The following GMCL1 variants were observed in gnomAD, a reference collection of about 807,000 sequenced individuals.
GMCL1 encodes the protein germ cell-less 1, spermatogenesis associated.
GMCL1 carries 54 observed loss-of-function variants against 75.5 expected under a neutral mutation model. The ratio of observed to expected loss-of-function variants is 0.71; its 90% CI spans 0.57 to 0.90. GMCL1 has a LOEUF of 0.90. Ranked by LOEUF, GMCL1 falls within the 40% of genes least tolerant of loss-of-function variation. The pLI, the probability that GMCL1 is intolerant of heterozygous loss-of-function variation, is 0.00. For synonymous variants in GMCL1, 210 were observed against 209.6 expected (o/e 1.00, Z -0.02); for missense variants, 537 against 622.7 (o/e 0.86, Z 1.47).
In GMCL1 at chr2:69,862,084, C is replaced by T. The variant is rs551650424; in HGVS notation, c.1142+737C>T. ...CCCCAAAAACATATGACTCCCCCCA[C>T]AAAACATTAATCCTCTTTCTTCATC... On this transcript the variant is annotated intron_variant, in intron 10 of 13. Coordinates refer to ENST00000282570, the MANE Select transcript of GMCL1 (RefSeq NM_178439.5). 5.3e-5 allele frequency among the ~76,000 whole-genome samples: 8 copies of T among 152,298 alleles called. No homozygotes were observed. In the South Asian group the frequency reaches 1.7e-3, roughly 32 times the overall value.
rs540868975 is a variant in GMCL1 at position 69,860,061 on chromosome 2, G to A, written c.1073-1217G>A. ...TGTTGCCCAGGTTTTGAGTGCATTG[G>A]CATGTCCAGGGCTCGCTGCAGCCTT... is the stretch of plus-strand genomic sequence containing the variant. On this transcript the variant is annotated intron_variant, in intron 9 of 13. Coordinates refer to ENST00000282570, the MANE Select transcript of GMCL1 (RefSeq NM_178439.5). Among the ~76,000 whole-genome samples, 970 of 152,176 alleles carry A rather than the reference G, an allele frequency of 6.4e-3. 4 individuals are homozygous for A. Among genetic ancestry groups the A allele is most frequent in the Non-Finnish European group, 0.01 (697 of 68,002 alleles).
chr2:69,866,134 A>G (rs1330808335), intron 11 of GMCL1, among the ~76,000 whole-genome samples: 1 of 151,992 alleles, frequency 6.6e-6, no homozygotes, highest in African/African-American at 2.4e-5. Flanking sequence ...CTGTAGTCCT[A>G]GCTACTCGGA....
intron 2 of GMCL1, among the ~76,000 whole-genome samples, chr2:69,839,103 A>T (rs1327380521): frequency 6.6e-6 from 1 of 150,524 alleles, no homozygotes; most frequent in Non-Finnish European, 1.5e-5. Context: ...CTGACTTGGG[A>T]CTGGTTTGGT....
Position 69,830,096 on chromosome 2 carries a change from G to C in GMCL1, c.204G>C (p.Thr68=). 6.3e-7 allele frequency: 1 copy of C among 1,578,556 alleles called. No individual in the cohort carries two copies. The highest frequency in any genetic ancestry group is 8.6e-7 in the Non-Finnish European group (1 of 1,161,716). The change falls in exon 1 of 14, where the codon ACG becomes ACC. Residue 68 remains threonine, a synonymous_variant. Coordinates refer to ENST00000282570, the MANE Select transcript of GMCL1 (RefSeq NM_178439.5). ...SFCYCHPDSE[T]DEDEEEGDEQ... The stretch of plus-strand genomic sequence containing the variant: ...GCTACTGTCACCCTGACTCGGAGAC[G>C]GACGAGGATGAGGAGGAGGGGGACG...
intron 13 of GMCL1, among the ~76,000 whole-genome samples, chr2:69,872,356 A>C (rs1676005202): frequency 6.6e-6 from 1 of 152,238 alleles, no homozygotes; most frequent in African/African-American, 2.4e-5. Context: ...GAGAAGTTTC[A>C]AAGTGTCATG....
intron 3 of GMCL1, among the ~76,000 whole-genome samples, chr2:69,840,739 T>G (rs977576764): frequency 6.6e-6 from 1 of 152,214 alleles, no homozygotes; most frequent in Non-Finnish European, 1.5e-5. Context: ...TAAACAGAAA[T>G]TTATAACCTT....
chr2:69,841,203 A>G (rs1311278703), intron 4 of GMCL1, among the ~76,000 whole-genome samples, 164 bp downstream of exon 4: 1 of 152,230 alleles, frequency 6.6e-6, no homozygotes, highest in Non-Finnish European at 1.5e-5. Flanking sequence ...GCCTAACCAA[A>G]AGCAATTTAT....
In GMCL1 at chr2:69,880,314, T is replaced by G. The variant is rs1284493048; in HGVS notation, c.*1310T>G. 6.6e-6 allele frequency: 1 copy of G among 152,138 alleles called. No homozygotes were observed. The highest frequency in any genetic ancestry group is 1.5e-5 in the Non-Finnish European group (1 of 68,026). 9.4% of individuals were successfully genotyped at this position (152,138 alleles called of 1,614,324 possible). Reference sequence around the variant, plus strand: ...ATCCCCCTTAATTGAAACCAAAATTTTTTCTTTCTAGTTAGGTTTTTTTCC... The same window carrying G: ...ATCCCCCTTAATTGAAACCAAAATTGTTTCTTTCTAGTTAGGTTTTTTTCC... On this transcript the variant is annotated 3_prime_UTR_variant, in exon 14 of 14. Transcript: ENST00000282570.
intron 4 of GMCL1, among the ~76,000 whole-genome samples, chr2:69,841,287 A>G (rs1012554505): frequency 1.3e-5 from 2 of 151,870 alleles, no homozygotes; most frequent in African/African-American, 4.8e-5. Context: ...TAGTATGACT[A>G]TAATGTGGAA....
rs951614081 is a variant in GMCL1, at chr2:69,850,335, T to A, written c.934+593T>A. Among the ~76,000 whole-genome samples the A allele has an allele frequency of 2.7e-5, 4 of 150,806 alleles. No individual in the cohort carries two copies. In the East Asian group the frequency reaches 7.9e-4, roughly 30 times the overall value. ...AGGAGGGCATGCAATATAAAAAAAA[T>A]ACATGTGTATACTAAGTTAAAATGT... On this transcript the variant is annotated intron_variant, in intron 8 of 13. Transcript: ENST00000282570.
intron 11 of GMCL1, among the ~76,000 whole-genome samples, chr2:69,868,517 A>G (rs1438875200): frequency 6.6e-6 from 1 of 151,846 alleles, no homozygotes; most frequent in Admixed American, 6.6e-5. Flanking sequence ...TAAATAACCC[A>G]GTTGTGTGTT....
intron 1 of GMCL1, among the ~76,000 whole-genome samples, chr2:69,836,959 A>T (rs1019473497): frequency 3.3e-5 from 5 of 152,208 alleles, no homozygotes; most frequent in Non-Finnish European, 5.9e-5. Flanking sequence ...AAATAATTTT[A>T]AAAAACAAAT....
chr2:69,860,343 C>T (rs1419154350), intron 9 of GMCL1, among the ~76,000 whole-genome samples: 1 of 152,070 alleles, frequency 6.6e-6, no homozygotes, highest in Non-Finnish European at 1.5e-5. Context: ...TTTCCACTTA[C>T]ACAGGCTTAT....
chr2:69,830,232 C>G (rs1187980743), intron 1 of GMCL1, 80 bp downstream of exon 1: 1 of 1,469,672 alleles, frequency 6.8e-7, no homozygotes, highest in African/African-American at 1.4e-5. Flanking sequence ...CGTGCGCTTG[C>G]GGGGTGCAGC....
At chr2:69,877,682 C>T (rs1051423958) in intron 13 of GMCL1, among the ~76,000 whole-genome samples, 2 of 143,352 alleles carry the variant, frequency 1.4e-5, no homozygotes, top group Non-Finnish European at 3.0e-5. Flanking sequence ...CACTTTCCCT[C>T]GTACAGAGAG....
intron 13 of GMCL1, among the ~76,000 whole-genome samples, chr2:69,877,940 A>AG (rs1676171388): frequency 6.6e-6 from 1 of 152,208 alleles, no homozygotes; most frequent in Admixed American, 6.5e-5. Flanking sequence ...ATAAAGTGTA[A>AG]CTAATGCATA....
intron 6 of GMCL1, among the ~76,000 whole-genome samples, chr2:69,847,138 T>G (rs1473674474): frequency 6.6e-6 from 1 of 151,982 alleles, no homozygotes; most frequent in Non-Finnish European, 1.5e-5. Context: ...GGCCTTTTTT[T>G]AAAGAACAAA....
At position 69,840,970 on chromosome 2, in the gene GMCL1, T is replaced by A. The variant is rs770152425; in HGVS notation, c.510T>A (p.Tyr170Ter). The A allele has an allele frequency of 6.2e-7, 1 of 1,614,070 alleles. No individual in the cohort carries two copies. Among genetic ancestry groups the A allele is most frequent in the Non-Finnish European group, 8.5e-7 (1 of 1,179,946 alleles). Residue 170 changes from tyrosine to a stop codon, truncating the protein, a stop_gained, in exon 4 of 14, where the codon TAT becomes TAA. Coordinates refer to ENST00000282570, the MANE Select transcript of GMCL1 (RefSeq NM_178439.5). LOFTEE classifies it high-confidence loss of function. ...TGCAGGTTGCATTTGGTTCACTGTA[T>A]CGAGATGATGTCTTGATAAAGCCCA... is the stretch of plus-strand genomic sequence containing the variant. ...EALQVAFGSL[Y>*]RDDVLIKPSR...
chr2:69,877,745 ACTCT>A (rs1391371231), intron 13 of GMCL1, among the ~76,000 whole-genome samples: 4 of 151,076 alleles, frequency 2.6e-5, no homozygotes, highest in Admixed American at 6.6e-5. Context: ...AGACATTTGT[ACTCT>A]CTACCTTCTT....
Sources: gnomAD v4.1 joint callset for allele counts (sites outside exome capture counted in the v4.1 genomes callset) on GRCh38, gnomAD v4.1.1 for gene constraint, MANE v1.5 for transcripts, NCBI Gene and HGNC (gene_info 2026-07-23, HGNC 2026-07-21) for gene names.